Variants in SCHIP1 observed in about 807,000 individuals in gnomAD.
The protein encoded by SCHIP1 is schwannomin interacting protein 1, also known as schwannomin-interacting protein 1.
Under a neutral mutation model 29.7 loss-of-function variants are expected in SCHIP1, and 8 were observed. The observed-to-expected ratio is 0.27, with a 90% confidence interval of 0.16 to 0.49. The LOEUF is 0.49. SCHIP1 is among the 20% of genes least tolerant of loss of function. The pLI, the probability that SCHIP1 is intolerant of heterozygous loss-of-function variation, is 0.99. For missense variants in SCHIP1, 193 were observed against 294.6 expected (o/e 0.66, Z 2.52); for synonymous variants, 76 against 94.9 (o/e 0.80, Z 1.16).
At chr3:159,417,339 G>A in the SCHIP1 span, among the ~76,000 whole-genome samples, 35 of 152,224 alleles carry the variant, frequency 2.3e-4, no homozygotes, top group Admixed American at 2.1e-3. Flanking sequence ...AAAGAGTCAC[G>A]CAATCACTCG....
the SCHIP1 span, among the ~76,000 whole-genome samples, chr3:159,372,793 TATAA>T: frequency 6.6e-6 from 1 of 151,738 alleles, no homozygotes; most frequent in Non-Finnish European, 1.5e-5. Flanking sequence ...TTTTAATGTC[TATAA>T]ATAAAACTTT....
At chr3:159,568,337 C>G in the SCHIP1 span, among the ~76,000 whole-genome samples, 1 of 152,042 alleles carries the variant, frequency 6.6e-6, no homozygotes, top group Non-Finnish European at 1.5e-5. Context: ...AATCTTAAAG[C>G]AGAGGGCATT....
At chr3:159,702,024 G>T in the SCHIP1 span, among the ~76,000 whole-genome samples, 1 of 152,124 alleles carries the variant, frequency 6.6e-6, no homozygotes, top group Non-Finnish European at 1.5e-5. Context: ...CACTTTTGAG[G>T]TACCCTGGGG....
chr3:159,741,107 C>A, the SCHIP1 span, among the ~76,000 whole-genome samples: 1 of 152,122 alleles, frequency 6.6e-6, no homozygotes, highest in Admixed American at 6.5e-5. Flanking sequence ...ATGGCTTTTT[C>A]TTTGAATCTC....
chr3:159,704,417 TAAA>T, the SCHIP1 span, among the ~76,000 whole-genome samples: 3,388 of 92,600 alleles, frequency 0.037, 91 homozygotes, highest in African/African-American at 0.082. Flanking sequence ...CAATTTTTTC[TAAA>T]AAAAAAAAAA....
the SCHIP1 span, among the ~76,000 whole-genome samples, chr3:159,295,253 T>A: frequency 1.3e-3 from 90 of 66,912 alleles, no homozygotes; most frequent in South Asian, 2.2e-3. Context: ...CTATCTCTAC[T>A]AAAAAAAAAA....
At chr3:159,710,845 T>C in the SCHIP1 span, among the ~76,000 whole-genome samples, 1 of 151,932 alleles carries the variant, frequency 6.6e-6, no homozygotes, top group African/African-American at 2.4e-5. Flanking sequence ...CAGTCAGGAG[T>C]AGGGCTAGTA....
the SCHIP1 span, among the ~76,000 whole-genome samples, chr3:159,373,936 T>TC: frequency 6.6e-6 from 1 of 152,062 alleles, no homozygotes; most frequent in East Asian, 1.9e-4. Flanking sequence ...TGGGTAATAC[T>TC]CACAAGTAAG....
the SCHIP1 span, among the ~76,000 whole-genome samples, chr3:159,378,214 G>A: frequency 6.6e-6 from 1 of 152,152 alleles, no homozygotes; most frequent in Non-Finnish European, 1.5e-5. Flanking sequence ...CAGTATTGAA[G>A]GTTAATCTCA....
chr3:159,781,436 A>G, the SCHIP1 span, among the ~76,000 whole-genome samples: 15 of 152,308 alleles, frequency 9.8e-5, no homozygotes, highest in East Asian at 2.7e-3. Context: ...TTGGCCTCCT[A>G]AAGTGCTGGG....
chr3:159,357,619 G>T, the SCHIP1 span, among the ~76,000 whole-genome samples: 1 of 152,124 alleles, frequency 6.6e-6, no homozygotes, highest in Non-Finnish European at 1.5e-5. Context: ...TGAAACAAAG[G>T]TCCTTTATTC....
the SCHIP1 span, among the ~76,000 whole-genome samples, chr3:159,802,048 T>A: frequency 6.6e-6 from 1 of 152,198 alleles, no homozygotes; most frequent in African/African-American, 2.4e-5. Context: ...CTAAACCTTA[T>A]TAAATCACAG....
chr3:159,745,329 G>T, the SCHIP1 span, among the ~76,000 whole-genome samples: 1 of 152,150 alleles, frequency 6.6e-6, no homozygotes, highest in Non-Finnish European at 1.5e-5. Context: ...GTTTAATAAA[G>T]AATCTGGATA....
At chr3:159,476,782 A>G in the SCHIP1 span, among the ~76,000 whole-genome samples, 1 of 152,108 alleles carries the variant, frequency 6.6e-6, no homozygotes, top group East Asian at 1.9e-4. Context: ...TAACATATAT[A>G]CCCTCATGTA....
the SCHIP1 span, among the ~76,000 whole-genome samples, chr3:159,646,270 C>T: frequency 6.6e-6 from 1 of 152,158 alleles, no homozygotes; most frequent in Non-Finnish European, 1.5e-5. Context: ...TAGCTATTAT[C>T]ACTTAGCTGT....
At chr3:159,777,836 A>G in the SCHIP1 span, among the ~76,000 whole-genome samples, 3 of 152,212 alleles carry the variant, frequency 2.0e-5, no homozygotes, top group South Asian at 6.2e-4. Flanking sequence ...GCTGTCGTAC[A>G]TAATACAGTG....
chr3:159,705,700 TTTTGTTTG>T, the SCHIP1 span, among the ~76,000 whole-genome samples: 2 of 151,530 alleles, frequency 1.3e-5, no homozygotes, highest in Non-Finnish European at 2.9e-5. Flanking sequence ...AGGATATGAC[TTTTGTTTG>T]TTTGTTTGTT....
At chr3:159,296,838 C>T in the SCHIP1 span, among the ~76,000 whole-genome samples, 9 of 152,050 alleles carry the variant, frequency 5.9e-5, no homozygotes, top group East Asian at 1.7e-3. Flanking sequence ...CATTATTAAC[C>T]ATAGTTACTA....
At chr3:159,668,874 T>G in the SCHIP1 span, among the ~76,000 whole-genome samples, 2 of 152,180 alleles carry the variant, frequency 1.3e-5, no homozygotes, top group African/African-American at 2.4e-5. Flanking sequence ...AAATAAGTGC[T>G]CTGGCTATTC....
Sources: allele counts gnomAD v4.1 joint callset (sites outside exome capture counted in the v4.1 genomes callset), GRCh38; gene constraint gnomAD v4.1.1; transcripts MANE v1.5; gene names NCBI Gene and HGNC (gene_info 2026-07-23, HGNC 2026-07-21).